The following RP2 variants were observed in gnomAD, a reference collection of about 807,000 sequenced individuals.
RP2 encodes RP2 activator of ARL3 GTPase.
A neutral mutation model predicts 20.3 loss-of-function variants in RP2; 3 were observed. The ratio of observed to expected loss-of-function variants is 0.15; its 90% CI spans 0.07 to 0.38. The LOEUF (loss-of-function observed/expected upper bound fraction) is 0.38. Ranked by LOEUF, RP2 falls within the 10% of genes least tolerant of loss-of-function variation. The probability of loss-of-function intolerance (pLI) is 1.00; values close to 1 mark genes in which losing one functional copy is unlikely to be tolerated. For synonymous variants in RP2, 75 were observed against 94.8 expected (o/e 0.79, Z 1.22); for missense variants, 233 against 268.5 (o/e 0.87, Z 0.92).
intron 1 of RP2, among the ~76,000 whole-genome samples, chrX:46,847,776 G>GTATATATA (rs782798784): frequency 3.1e-4 from 23 of 74,607 alleles, no homozygotes; most frequent in African/African-American, 1.3e-3. Context: ...ATGTGTGTGT[G>GTATATATA]TACATACACA....
chrX:46,847,822 GTA>G (rs1924779425), intron 1 of RP2, among the ~76,000 whole-genome samples: 2 of 91,630 alleles, frequency 2.2e-5, no homozygotes, highest in South Asian at 4.8e-4. Flanking sequence ...ACATATATGT[GTA>G]TATGTGTATA....
At chrX:46,842,814 T>G (rs1216816840) in intron 1 of RP2, among the ~76,000 whole-genome samples, 2 of 111,831 alleles carry the variant, frequency 1.8e-5, no homozygotes, top group African/African-American at 6.5e-5. Flanking sequence ...TATTCTATTG[T>G]ATGGATATAC....
intron 4 of RP2, among the ~76,000 whole-genome samples, chrX:46,877,921 A>C (rs1925399429): frequency 9.0e-6 from 1 of 111,535 alleles, no homozygotes. Flanking sequence ...AAGTCTTTGC[A>C]TTTTTAAAAA....
intron 1 of RP2, among the ~76,000 whole-genome samples, chrX:46,842,780 A>G (rs1192800994): frequency 8.9e-6 from 1 of 111,758 alleles, no homozygotes; most frequent in African/African-American, 3.3e-5. Flanking sequence ...AAGTTTGTCC[A>G]TATCGTAACA....
chrX:46,846,078 T>C (rs782669605), intron 1 of RP2, among the ~76,000 whole-genome samples: 9 of 111,826 alleles, frequency 8.0e-5, no homozygotes, highest in Non-Finnish European at 1.5e-4. Flanking sequence ...GAGTTCCTTT[T>C]TAATTGCTGA....
At chrX:46,877,230 G>A (rs1317695657) in intron 3 of RP2, among the ~76,000 whole-genome samples, 2 of 112,236 alleles carry the variant, frequency 1.8e-5, no homozygotes, top group African/African-American at 6.5e-5. Flanking sequence ...AGAAGAATGA[G>A]AACCAGAAAA....
In RP2 at chrX:46,851,560, C is replaced by T. The variant is rs782755121; in HGVS notation, c.103-1916C>T. Among the ~76,000 whole-genome samples, 4 of 108,334 alleles carry T rather than the reference C, an allele frequency of 3.7e-5. No homozygotes were observed. In the East Asian group the frequency reaches 8.9e-4, roughly 24 times the overall value. 94.1% of individuals were successfully genotyped at this position (108,334 alleles called of 115,157 possible). ...CTGAGGCAGGAGAATCACTTGAACC[C>T]GGGAGGTGGAGGTTGCAGTGAGCCA... On this transcript the variant is annotated intron_variant, in intron 1 of 4. Transcript: ENST00000218340.
At chrX:46,849,382 C>T (rs1924820054) in intron 1 of RP2, among the ~76,000 whole-genome samples, 1 of 109,378 alleles carries the variant, frequency 9.1e-6, no homozygotes. Flanking sequence ...TTTTACCCCC[C>T]TTCCACCAAC....
At chrX:46,864,514 G>A (rs1466378743) in intron 3 of RP2, among the ~76,000 whole-genome samples, 1 of 109,130 alleles carries the variant, frequency 9.2e-6, no homozygotes, top group African/African-American at 3.3e-5. Context: ...GGGCTCAAGC[G>A]ATCCATTCAC....
At chrX:46,867,409 C>T (rs1178007817) in intron 3 of RP2, among the ~76,000 whole-genome samples, 1 of 112,650 alleles carries the variant, frequency 8.9e-6, no homozygotes, top group Non-Finnish European at 1.9e-5. Context: ...CCAACTTGTT[C>T]CTTTTTATTG....
rs781785916 is a variant in RP2 at position 46,850,224 on chromosome X, C to T, written c.103-3252C>T. Among the ~76,000 whole-genome samples the T allele has an allele frequency of 6.2e-5, 7 of 112,046 alleles. No individual in the cohort carries two copies. The East Asian group carries it at 2.0e-3, about 31-fold the overall frequency. ...TTGCTGTGTCCTCACATGGCCTTTCCTCTGTGATTCATCCTTCTGCCTTAC... is the reference window on the plus strand; with the variant it reads ...TTGCTGTGTCCTCACATGGCCTTTCTTCTGTGATTCATCCTTCTGCCTTAC... On this transcript the variant is annotated intron_variant, in intron 1 of 4. Coordinates refer to ENST00000218340, the MANE Select transcript of RP2 (RefSeq NM_006915.3).
chrX:46,847,519 ATATG>A (rs782013134), intron 1 of RP2, among the ~76,000 whole-genome samples: 11 of 106,360 alleles, frequency 1.0e-4, no homozygotes, highest in Admixed American at 3.1e-4. Context: ...CACTATATGT[ATATG>A]TATGTATGTA....
chrX:46,851,101 T>G (rs1380331669), intron 1 of RP2, among the ~76,000 whole-genome samples: 1 of 112,102 alleles, frequency 8.9e-6, no homozygotes, highest in Non-Finnish European at 1.9e-5. Flanking sequence ...TAAGCTCATT[T>G]GCTAATCATT....
At chrX:46,854,439 T>C (rs1335955735) in intron 2 of RP2, among the ~76,000 whole-genome samples, 1 of 112,360 alleles carries the variant, frequency 8.9e-6, no homozygotes, top group Non-Finnish European at 1.9e-5. Context: ...TAAAAAAATA[T>C]AATTCAAATC....
intron 3 of RP2, among the ~76,000 whole-genome samples, chrX:46,877,133 T>C (rs1925384210): frequency 8.9e-6 from 1 of 112,275 alleles, no homozygotes; most frequent in African/African-American, 3.2e-5. Context: ...AACCTACTTA[T>C]GTTGACTTGG....
At position 46,853,795 on chromosome X, in the gene RP2, C is replaced by T. The variant is rs1181500640; in HGVS notation, c.422C>T (p.Ser141Leu). 2 of 1,211,695 alleles carry T rather than the reference C, an allele frequency of 1.7e-6. No individual in the cohort carries two copies. Among genetic ancestry groups the T allele is most frequent in the Admixed American group, 2.2e-5 (1 of 46,012 alleles). Residue 141 changes from serine to leucine, a missense_variant, in exon 2 of 5, where the codon TCA becomes TTA. Transcript: ENST00000218340. The part of the protein sequence containing the change: ...CATQPIIESS[S>L]NIKFGCFQWY... ...ACTCAACCCATCATTGAGTCTTCCT[C>T]AAATATCAAATTTGGATGTTTTCAA...
chrX:46,881,318 T>G lies in RP2; in HGVS notation c.*1549T>G, dbSNP rs1398365995. 1 of 111,517 alleles carries G rather than the reference T, an allele frequency of 9.0e-6. No individual in the cohort carries two copies. Among genetic ancestry groups the G allele is most frequent in the African/African-American group, 3.3e-5 (1 of 30,603 alleles). The allele number at this position is 111,517 out of a possible 1,213,427, so 9.2% of individuals were successfully genotyped here. ...ATTCAATACTACAAAATCAACATGATTTCATAAGGTGCAAATAAAAGTTGG... is the reference window on the plus strand; with the variant it reads ...ATTCAATACTACAAAATCAACATGAGTTCATAAGGTGCAAATAAAAGTTGG... On this transcript the variant is annotated 3_prime_UTR_variant, in exon 5 of 5. Transcript: ENST00000218340.
chrX:46,867,109 C>CT (rs1245436910), intron 3 of RP2, among the ~76,000 whole-genome samples: 22 of 108,287 alleles, frequency 2.0e-4, no homozygotes, highest in South Asian at 7.8e-4. Flanking sequence ...TTTCTTTTGT[C>CT]TTTTTTTTTG....
chrX:46,862,687 A>C lies in RP2; in HGVS notation c.883+2585A>C, dbSNP rs782588280. 1.1e-3 allele frequency among the ~76,000 whole-genome samples: 125 copies of C among 111,564 alleles called. 3 individuals are homozygous for C. Among genetic ancestry groups the C allele is most frequent in the Non-Finnish European group, 1.1e-3 (60 of 53,102 alleles). Reference sequence around the variant, plus strand: ...AAAAACAAACAAACAAACAAACAAAAAAACCCAACAGGATATTTATACATC... The same window carrying C: ...AAAAACAAACAAACAAACAAACAAACAAACCCAACAGGATATTTATACATC... On this transcript the variant is annotated intron_variant, in intron 3 of 4. Coordinates refer to ENST00000218340, the MANE Select transcript of RP2 (RefSeq NM_006915.3).
Sources: gnomAD v4.1 joint callset for allele counts (sites outside exome capture counted in the v4.1 genomes callset) on GRCh38, gnomAD v4.1.1 for gene constraint, MANE v1.5 for transcripts, NCBI Gene and HGNC (gene_info 2026-07-23, HGNC 2026-07-21) for gene names.